TTC39B: variants seen among roughly 807,000 people sequenced by gnomAD.
The protein encoded by TTC39B is tetratricopeptide repeat protein 39B.
A neutral mutation model predicts 96.6 loss-of-function variants in TTC39B; 92 were observed. The observed-to-expected ratio is 0.95, with a 90% CI of 0.80 to 1.13. The LOEUF (loss-of-function observed/expected upper bound fraction) is 1.13. Among genes scored for constraint, TTC39B ranks in the 50% most tolerant of loss-of-function variants. The pLI, the probability that TTC39B is intolerant of heterozygous loss-of-function variation, is 0.00. For synonymous variants in TTC39B, 367 were observed against 299.4 expected, an observed-to-expected ratio of 1.23 and a Z score of -2.33; for missense variants, 955 against 809.3, an observed-to-expected ratio of 1.18 and a Z score of -2.18.
intron 1 of TTC39B, among the ~76,000 whole-genome samples, chr9:15,283,817 G>C (rs1253916786): frequency 2.0e-5 from 3 of 151,906 alleles, no homozygotes; most frequent in South Asian, 4.2e-4. Flanking sequence ...TGTCTACTAA[G>C]ACAAAAATGA....
At chr9:15,259,296 C>T (rs1252426996) in intron 2 of TTC39B, among the ~76,000 whole-genome samples, 1 of 152,162 alleles carries the variant, frequency 6.6e-6, no homozygotes, top group Non-Finnish European at 1.5e-5. Flanking sequence ...AGGACACCAC[C>T]AACCTGATCC....
chr9:15,196,401 T>C lies in TTC39B; in HGVS notation c.824+3460A>G, dbSNP rs142958860. On this transcript the variant is annotated intron_variant, in intron 8 of 19. Transcript: ENST00000512701. ...ATCATTCTACCTATCATAGAGAACA[T>C]TCGTGATTCATGGAAGGAAGTCAAA... 2.8e-3 allele frequency among the ~76,000 whole-genome samples: 422 copies of C among 152,332 alleles called. 6 individuals are homozygous for C. Among genetic ancestry groups the C allele is most frequent in the African/African-American group, 9.7e-3 (404 of 41,574 alleles).
chr9:15,234,194 C>G (rs1009654303), intron 2 of TTC39B, among the ~76,000 whole-genome samples: 7 of 150,270 alleles, frequency 4.7e-5, no homozygotes, highest in African/African-American at 1.7e-4. Flanking sequence ...CCCCTCCATC[C>G]GGCAGCCACC....
rs185022190 is a variant in TTC39B at position 15,283,838 on chromosome 9, A to C, written c.241-15890T>G. On this transcript the variant is annotated intron_variant, in intron 1 of 19. Coordinates refer to ENST00000512701, the Ensembl canonical transcript of TTC39B. Reference sequence around the variant, plus strand: ...CTAAGACAAAAATGAAATTAAACCCATATACAAGTTTCCATATAAAGAGAT... The same window carrying C: ...CTAAGACAAAAATGAAATTAAACCCCTATACAAGTTTCCATATAAAGAGAT... Among the ~76,000 whole-genome samples the C allele has an allele frequency of 2.2e-3, 342 of 152,312 alleles. 2 individuals carry two copies. The highest frequency in any genetic ancestry group is 7.9e-3 in the African/African-American group (329 of 41,578).
At chr9:15,197,523 A>G (rs1241124850) in intron 8 of TTC39B, among the ~76,000 whole-genome samples, 1 of 152,230 alleles carries the variant, frequency 6.6e-6, no homozygotes, top group Non-Finnish European at 1.5e-5. Context: ...ACAAGTAACT[A>G]TTACAAATTG....
intron 2 of TTC39B, among the ~76,000 whole-genome samples, chr9:15,247,700 A>C (rs759056505): frequency 6.6e-6 from 1 of 152,220 alleles, no homozygotes; most frequent in Non-Finnish European, 1.5e-5. Context: ...ACATAAATGT[A>C]TATGTGCTGT....
rs576500571 is a variant in TTC39B, at chr9:15,203,961, A to G, written c.692-71T>C. 1.8e-5 allele frequency: 26 copies of G among 1,409,804 alleles called. No individual in the cohort carries two copies. In the African/African-American group the frequency reaches 2.9e-4, roughly 16 times the overall value. The allele number at this position is 1,409,804 out of a possible 1,614,324, so 87.3% of individuals were successfully genotyped here. The stretch of plus-strand genomic sequence containing the variant: ...AAGTGATTGCTCTGTGATGTTCAGG[A>G]AAGACTGGCAGAAAAATGAACCCAA... On this transcript the variant is annotated intron_variant, in intron 6 of 19. Coordinates refer to ENST00000512701, the Ensembl canonical transcript of TTC39B.
At chr9:15,172,743 G>T (rs1052112798) in intron 19 of TTC39B, among the ~76,000 whole-genome samples, 7 of 152,066 alleles carry the variant, frequency 4.6e-5, no homozygotes, top group African/African-American at 1.4e-4. Context: ...TCAGAAAAAT[G>T]GAATACTTTT....
At chr9:15,178,767 G>A (rs1375626207) in intron 17 of TTC39B, among the ~76,000 whole-genome samples, 2 of 152,178 alleles carry the variant, frequency 1.3e-5, no homozygotes, top group Non-Finnish European at 2.9e-5. Flanking sequence ...AAGCCATGAG[G>A]AACAAGAAGG....
intron 17 of TTC39B, among the ~76,000 whole-genome samples, chr9:15,179,290 A>G (rs1357553762): frequency 6.6e-6 from 1 of 152,222 alleles, no homozygotes; most frequent in African/African-American, 2.4e-5. Context: ...TAAAGGGAAC[A>G]TACGAGGCCC....
rs1043052226 is a variant in TTC39B at position 15,190,779 on chromosome 9, C to G, written c.997-117G>C. The G allele has an allele frequency of 3.5e-5, 29 of 822,348 alleles. No individual in the cohort carries two copies. The Middle Eastern group carries it at 7.5e-4, about 21-fold the overall frequency. The allele number at this position is 822,348 out of a possible 1,614,324, so 50.9% of individuals were successfully genotyped here. A position where few individuals can be genotyped will look rare whatever the true frequency, so the allele number is the denominator to read the frequency against. The stretch of plus-strand genomic sequence containing the variant: ...ACAAGTACAGATTTCATATATTACG[C>G]TGTGGTGAAGTCTGGGCTTTTAGTG... On this transcript the variant is annotated intron_variant, in intron 10 of 19. Transcript: ENST00000512701.
Position 15,214,059 on chromosome 9 carries a change from A to G in TTC39B, c.482+80T>C. On this transcript the variant is annotated intron_variant, in intron 4 of 19. Transcript: ENST00000512701. ...TCAATATTCAGATGGGAACAGCTAA[A>G]TTAATTTACAAGCATGACATCAAAG... is the stretch of plus-strand genomic sequence containing the variant. 2.7e-6 allele frequency: 3 copies of G among 1,106,886 alleles called. No homozygotes were observed. The South Asian group carries it at 4.3e-5, about 16-fold the overall frequency. The allele number at this position is 1,106,886 out of a possible 1,614,324, so 68.6% of individuals were successfully genotyped here.
intron 8 of TTC39B, among the ~76,000 whole-genome samples, chr9:15,193,971 T>C (rs566172132): frequency 6.6e-6 from 1 of 152,210 alleles, no homozygotes; most frequent in Non-Finnish European, 1.5e-5. Flanking sequence ...GGATCCCGGG[T>C]TGGATCCTGA....
intron 2 of TTC39B, among the ~76,000 whole-genome samples, chr9:15,235,476 A>G (rs1348426985): frequency 6.6e-6 from 1 of 152,204 alleles, no homozygotes; most frequent in Non-Finnish European, 1.5e-5. Flanking sequence ...CCTGCAAGAC[A>G]CTATGCAAGA....
intron 1 of TTC39B, among the ~76,000 whole-genome samples, chr9:15,269,152 T>C (rs902596094): frequency 7.9e-5 from 12 of 152,202 alleles, no homozygotes; most frequent in African/African-American, 2.7e-4. Flanking sequence ...AAGAAGAACA[T>C]CTCTGATCAC....
intron 16 of TTC39B, 29 bp downstream of exon 16, chr9:15,185,251 G>C (rs372029527): frequency 6.9e-6 from 11 of 1,587,436 alleles, no homozygotes; most frequent in African/African-American, 5.4e-5. Context: ...TTTATTTCTA[G>C]TACATGAAAA....
In TTC39B at chr9:15,211,401, G is replaced by A; in HGVS notation, c.483-4C>T. On this transcript the variant is annotated splice_region_variant and splice_polypyrimidine_tract_variant and intron_variant, in intron 4 of 19. Coordinates refer to ENST00000512701, the Ensembl canonical transcript of TTC39B. ...ATGGTACATACTCTCCTTAGCCCTG[G>A]GAAGAACACAGGGAATTCAGACATT... 1 of 1,483,374 alleles carries A rather than the reference G, an allele frequency of 6.7e-7. No individual in the cohort carries two copies. The highest frequency in any genetic ancestry group is 9.0e-7 in the Non-Finnish European group (1 of 1,115,998). 91.9% of individuals were successfully genotyped at this position (1,483,374 alleles called of 1,614,324 possible).
chr9:15,198,748 A>C (rs11793824), intron 8 of TTC39B, among the ~76,000 whole-genome samples: 20,399 of 151,884 alleles, frequency 0.13, 1,588 homozygotes, highest in Non-Finnish European at 0.19. Flanking sequence ...TCACAAGTGC[A>C]AACATTCAAC....
At chr9:15,305,348 A>C (rs1008438927) in intron 1 of TTC39B, among the ~76,000 whole-genome samples, 4 of 152,236 alleles carry the variant, frequency 2.6e-5, no homozygotes, top group Non-Finnish European at 4.4e-5. Flanking sequence ...AATGCTCAAT[A>C]AACGCTTGCT....
Sources: gnomAD v4.1 joint callset for allele counts (sites outside exome capture counted in the v4.1 genomes callset) on GRCh38, gnomAD v4.1.1 for gene constraint, MANE v1.5 for transcripts, NCBI Gene and HGNC (gene_info 2026-07-23, HGNC 2026-07-21) for gene names.